The following SLC9A9 variants were observed in gnomAD, a reference collection of about 807,000 sequenced individuals.
SLC9A9 encodes the protein solute carrier family 9 member A9, also known as sodium/hydrogen exchanger 9.
In SLC9A9, 62 loss-of-function variants were observed where a neutral mutation model predicts 77.8. The ratio of observed to expected loss-of-function variants is 0.80; its 90% CI spans 0.65 to 0.98. The LOEUF (loss-of-function observed/expected upper bound fraction) is 0.98, where lower values mean the gene tolerates loss of function less well. Ranked by LOEUF, SLC9A9 falls within the 50% of genes least tolerant of loss-of-function variation. The probability of loss-of-function intolerance (pLI) is 0.00; values close to 1 mark genes in which losing one functional copy is unlikely to be tolerated. For missense variants in SLC9A9, 775 were observed against 774.9 expected, an observed-to-expected ratio of 1.00 and a Z score of 0.00; for synonymous variants, 320 against 283.5, an observed-to-expected ratio of 1.13 and a Z score of -1.29.
chr3:143,810,412 TG>T (rs2008832827), intron 2 of SLC9A9, among the ~76,000 whole-genome samples: 1 of 152,252 alleles, frequency 6.6e-6, no homozygotes, highest in Non-Finnish European at 1.5e-5. Flanking sequence ...TTGTGATTTA[TG>T]TAGTACATTC....
At chr3:143,351,554 G>A (rs1479350173) in intron 14 of SLC9A9, among the ~76,000 whole-genome samples, 2 of 152,158 alleles carry the variant, frequency 1.3e-5, no homozygotes, top group Non-Finnish European at 2.9e-5. Flanking sequence ...ATAGTTGATG[G>A]TGGGGGGGAG....
intron 12 of SLC9A9, among the ~76,000 whole-genome samples, chr3:143,431,146 C>T (rs1031452127): frequency 6.6e-6 from 1 of 152,020 alleles, no homozygotes. Context: ...CAGTCTGGTG[C>T]CCCTAAATCT....
At chr3:143,516,978 T>C (rs1191332352) in intron 9 of SLC9A9, 1 of 621,946 alleles carries the variant, frequency 1.6e-6, no homozygotes, top group Non-Finnish European at 2.8e-6. Flanking sequence ...ATAATCATTT[T>C]AATTTGTAGT....
intron 6 of SLC9A9, among the ~76,000 whole-genome samples, chr3:143,606,400 ATC>A (rs746582477): frequency 0.015 from 1,181 of 76,360 alleles, 38 homozygotes; most frequent in African/African-American, 0.057. Context: ...GAAAGAGTGA[ATC>A]TCTCTCTCTC....
intron 12 of SLC9A9, among the ~76,000 whole-genome samples, chr3:143,425,384 G>A (rs78676477): frequency 0.011 from 1,715 of 150,526 alleles, 13 homozygotes; most frequent in Middle Eastern, 0.031. Context: ...TGTCTGTTAA[G>A]CTTTAAAAAT....
At chr3:143,751,722 G>A (rs891204483) in intron 4 of SLC9A9, among the ~76,000 whole-genome samples, 2 of 152,200 alleles carry the variant, frequency 1.3e-5, no homozygotes, top group Non-Finnish European at 2.9e-5. Flanking sequence ...CTGTGAGAGG[G>A]ATGACAGGAA....
At chr3:143,429,574 T>G (rs1316098573) in intron 12 of SLC9A9, among the ~76,000 whole-genome samples, 1 of 152,220 alleles carries the variant, frequency 6.6e-6, no homozygotes, top group Non-Finnish European at 1.5e-5. Flanking sequence ...ATACACTTAG[T>G]GAACCAGACA....
At position 143,414,990 on chromosome 3, in the gene SLC9A9, G is replaced by C. The variant is rs146453320; in HGVS notation, c.1470-32876C>G. ...CACCGATGGCAAGAAAGTGAAACAG[G>C]CTTATTACTGAAAGGCAGGAAGTTT... On this transcript the variant is annotated intron_variant, in intron 12 of 15. Transcript: ENST00000316549. 5.3e-5 allele frequency among the ~76,000 whole-genome samples: 8 copies of C among 152,320 alleles called. No homozygotes were observed. The East Asian group carries it at 1.5e-3, about 29-fold the overall frequency.
chr3:143,737,496 A>AACCAAAAAAAAT (rs564318839), intron 4 of SLC9A9, among the ~76,000 whole-genome samples: 398 of 152,048 alleles, frequency 2.6e-3, no homozygotes, highest in African/African-American at 9.2e-3. Context: ...CCAAAAAAAA[A>AACCAAAAAAAAT]ACCCACAAAA....
At chr3:143,345,213 T>C (rs1170607738) in intron 14 of SLC9A9, among the ~76,000 whole-genome samples, 1 of 152,234 alleles carries the variant, frequency 6.6e-6, no homozygotes, top group South Asian at 2.1e-4. Context: ...TTCCATGTTA[T>C]TGTAATCCAA....
rs768572838 is a variant in SLC9A9 at position 143,268,931 on chromosome 3, ATGT to A, written c.1651_1653del (p.Thr551del). 3.1e-6 allele frequency: 5 copies of A among 1,613,670 alleles called. No individual in the cohort carries two copies. Among genetic ancestry groups the A allele is most frequent in the East Asian group, 2.2e-5 (1 of 44,846 alleles). ...GAAATCGGACCACACCATTCAGGTAATGTTGTAGTCAGCGGAGGACCAGAGTGG... is the reference window on the plus strand; with the variant it reads ...GAAATCGGACCACACCATTCAGGTAATGTAGTCAGCGGAGGACCAGAGTGG... On this transcript the variant is annotated inframe_deletion, in exon 15 of 16. Transcript: ENST00000316549.
intron 14 of SLC9A9, among the ~76,000 whole-genome samples, chr3:143,322,801 A>G (rs761087102): frequency 1.3e-4 from 20 of 152,240 alleles, no homozygotes; most frequent in Admixed American, 7.2e-4. Flanking sequence ...GTCTTCACAC[A>G]ACTGTAATCA....
At chr3:143,273,160 G>A (rs1453354826) in intron 14 of SLC9A9, among the ~76,000 whole-genome samples, 2 of 152,210 alleles carry the variant, frequency 1.3e-5, no homozygotes, top group African/African-American at 4.8e-5. Context: ...CTTGTATGAT[G>A]TGGCTTTGCA....
chr3:143,763,880 T>C (rs769685010), intron 4 of SLC9A9, among the ~76,000 whole-genome samples: 9 of 152,068 alleles, frequency 5.9e-5, no homozygotes, highest in Non-Finnish European at 1.2e-4. Flanking sequence ...TCTACACACA[T>C]GCATTTATTG....
intron 4 of SLC9A9, among the ~76,000 whole-genome samples, chr3:143,725,686 T>C (rs1283802415): frequency 8.0e-6 from 1 of 125,052 alleles, no homozygotes; most frequent in Non-Finnish European, 1.6e-5. Context: ...AATTGAACAA[T>C]GAGAACACAT....
At chr3:143,436,505 C>T (rs991308115) in intron 12 of SLC9A9, among the ~76,000 whole-genome samples, 1 of 152,218 alleles carries the variant, frequency 6.6e-6, no homozygotes, top group African/African-American at 2.4e-5. Flanking sequence ...CTGTTCTGTT[C>T]TAATGAGTCC....
intron 9 of SLC9A9, among the ~76,000 whole-genome samples, chr3:143,551,904 C>A (rs1424181541): frequency 1.3e-5 from 2 of 152,172 alleles, no homozygotes; most frequent in African/African-American, 2.4e-5. Flanking sequence ...CAGATGTGTT[C>A]TTGGCATAAG....
At chr3:143,464,139 C>T (rs1007841889) in intron 12 of SLC9A9, among the ~76,000 whole-genome samples, 1 of 152,144 alleles carries the variant, frequency 6.6e-6, no homozygotes, top group African/African-American at 2.4e-5. Flanking sequence ...TTCAATATCA[C>T]GTTTGTCTTC....
chr3:143,396,535 A>G (rs1415744941), intron 12 of SLC9A9, among the ~76,000 whole-genome samples: 1 of 152,218 alleles, frequency 6.6e-6, no homozygotes. Context: ...TGGCACATGT[A>G]TACATATGTA....
Sources: gnomAD v4.1 joint callset for allele counts (sites outside exome capture counted in the v4.1 genomes callset) on GRCh38, gnomAD v4.1.1 for gene constraint, MANE v1.5 for transcripts, NCBI Gene and HGNC (gene_info 2026-07-23, HGNC 2026-07-21) for gene names.